The following CPE variants were observed in gnomAD, a reference collection of about 807,000 sequenced individuals.
CPE encodes the protein carboxypeptidase E.
A neutral mutation model predicts 53.5 loss-of-function variants in CPE; 17 were observed. The observed-to-expected ratio is 0.32, with a 90% CI of 0.22 to 0.48. The LOEUF (loss-of-function observed/expected upper bound fraction) is 0.48, where lower values mean the gene tolerates loss of function less well. Among genes scored for constraint, CPE ranks in the 20% least tolerant of loss-of-function variants. The probability of loss-of-function intolerance (pLI) is 0.99; values close to 1 mark genes in which losing one functional copy is unlikely to be tolerated. For missense variants in CPE, 524 were observed against 614.7 expected, an observed-to-expected ratio of 0.85 and a Z score of 1.56; for synonymous variants, 226 against 228.8, an observed-to-expected ratio of 0.99 and a Z score of 0.11.
At chr4:165,415,231 G>A (rs1289802970) in intron 1 of CPE, 1 of 167,010 alleles carries the variant, frequency 6.0e-6, no homozygotes, top group Non-Finnish European at 1.5e-5. Flanking sequence ...TTCTCTACAT[G>A]GGGGCAGCAG....
intron 6 of CPE, 101 bp downstream of exon 6, chr4:165,487,678 G>A: frequency 7.7e-7 from 1 of 1,292,912 alleles, no homozygotes; most frequent in Non-Finnish European, 1.1e-6. Flanking sequence ...GTCTGGTGCA[G>A]AATGAGGATG....
At chr4:165,408,396 C>A (rs1730986691) in intron 1 of CPE, among the ~76,000 whole-genome samples, 1 of 147,768 alleles carries the variant, frequency 6.8e-6, no homozygotes, top group Non-Finnish European at 1.5e-5. Context: ...TGTCCCAGCA[C>A]AACTTATTGA....
chr4:165,386,149 T>C, intron 1 of CPE: 1 of 468,318 alleles, frequency 2.1e-6, no homozygotes. Flanking sequence ...AATAATGTGA[T>C]GATTAAATGA....
At chr4:165,484,769 G>GTAATATATATACATATAT (rs1732476367) in intron 5 of CPE, among the ~76,000 whole-genome samples, 165 bp downstream of exon 5, 1 of 152,172 alleles carries the variant, frequency 6.6e-6, no homozygotes, top group Non-Finnish European at 1.5e-5. Context: ...TTGCGTGAAT[G>GTAATATATATACATATAT]ATTACTATGT....
chr4:165,381,108 A>G (rs985819135), intron 1 of CPE, among the ~76,000 whole-genome samples: 8 of 152,230 alleles, frequency 5.3e-5, no homozygotes, highest in Non-Finnish European at 1.0e-4. Flanking sequence ...TGTTACTTCA[A>G]GAGATTATAT....
rs563729242 is a variant in CPE, at chr4:165,440,960, C to T, written c.308-23430C>T. Reference sequence around the variant, plus strand: ...AATCTCAATAATGAAAGTATAAAAACGCTATTGCATCAATGGAAATGCAGA... The same window carrying T: ...AATCTCAATAATGAAAGTATAAAAATGCTATTGCATCAATGGAAATGCAGA... On this transcript the variant is annotated intron_variant, in intron 1 of 8. Transcript: ENST00000402744. Among the ~76,000 whole-genome samples the T allele has an allele frequency of 4.6e-5, 7 of 152,210 alleles. No homozygotes were observed. The East Asian group carries it at 7.7e-4, about 17-fold the overall frequency.
chr4:165,428,321 A>G (rs1329698759), intron 1 of CPE, among the ~76,000 whole-genome samples: 1 of 152,256 alleles, frequency 6.6e-6, no homozygotes, highest in Admixed American at 6.5e-5. Flanking sequence ...TTGGGATTAT[A>G]GGCATGAGCC....
At chr4:165,474,089 G>T (rs1732254053) in intron 3 of CPE, among the ~76,000 whole-genome samples, 1 of 152,244 alleles carries the variant, frequency 6.6e-6, no homozygotes, top group South Asian at 2.1e-4. Context: ...GCAGTTACCT[G>T]AAGGAGTGTT....
At chr4:165,443,413 C>A (rs1271841430) in intron 1 of CPE, among the ~76,000 whole-genome samples, 4 of 152,124 alleles carry the variant, frequency 2.6e-5, no homozygotes, top group Non-Finnish European at 5.9e-5. Flanking sequence ...CTAAGGCCAC[C>A]ATAACAAAAT....
chr4:165,474,217 T>G (rs2126706484), intron 3 of CPE, among the ~76,000 whole-genome samples: 1 of 152,344 alleles, frequency 6.6e-6, no homozygotes, highest in South Asian at 2.1e-4. Context: ...TGCTCTCAGT[T>G]ATAAAAGACT....
At chr4:165,415,746 TATACAGTACATATATATTACA>T (rs1731109102) in intron 1 of CPE, among the ~76,000 whole-genome samples, 4 of 139,358 alleles carry the variant, frequency 2.9e-5, no homozygotes, top group African/African-American at 1.1e-4. Flanking sequence ...ATATATAGTA[TATACAGTACATATATATTACA>T]TACATACATA....
intron 2 of CPE, among the ~76,000 whole-genome samples, chr4:165,466,130 A>G (rs1469389649): frequency 1.3e-5 from 2 of 152,206 alleles, no homozygotes; most frequent in Non-Finnish European, 2.9e-5. Context: ...GTGCACCTAC[A>G]TAAACCTGCA....
At chr4:165,425,262 T>C (rs1446252433) in intron 1 of CPE, among the ~76,000 whole-genome samples, 2 of 146,628 alleles carry the variant, frequency 1.4e-5, no homozygotes, top group Admixed American at 1.4e-4. Flanking sequence ...GTGTAAATAT[T>C]ATTTTAATAT....
chr4:165,481,072 A>T (rs1195656120), intron 3 of CPE, among the ~76,000 whole-genome samples: 1 of 150,380 alleles, frequency 6.6e-6, no homozygotes, highest in Non-Finnish European at 1.5e-5. Context: ...AAAAATAATA[A>T]AAACAACCTC....
At position 165,497,664 on chromosome 4, in the gene CPE, A is replaced by G. The variant is rs796858645; in HGVS notation, c.*54A>G. ...TATCTATATAATGTAGTATGATGTA[A>G]TGTGGTCTTTTTTTTAGATTTTGTG... On this transcript the variant is annotated 3_prime_UTR_variant, in exon 9 of 9. Coordinates refer to ENST00000402744, the MANE Select transcript of CPE (RefSeq NM_001873.4). 4 of 977,978 alleles carry G rather than the reference A, an allele frequency of 4.1e-6. No individual in the cohort carries two copies. Among genetic ancestry groups the G allele is most frequent in the Non-Finnish European group, 4.3e-6 (3 of 704,656 alleles). The allele number at this position is 977,978 out of a possible 1,614,324, so 60.6% of individuals were successfully genotyped here. A position where few individuals can be genotyped will look rare whatever the true frequency, so the allele number is the denominator to read the frequency against.
intron 2 of CPE, among the ~76,000 whole-genome samples, chr4:165,467,484 T>C (rs185983536): frequency 3.9e-5 from 6 of 152,352 alleles, no homozygotes; most frequent in African/African-American, 1.4e-4. Flanking sequence ...GTAAGAAATG[T>C]CATTATGCGG....
At chr4:165,452,371 T>A (rs886493871) in intron 1 of CPE, among the ~76,000 whole-genome samples, 4 of 152,198 alleles carry the variant, frequency 2.6e-5, no homozygotes, top group Admixed American at 1.3e-4. Flanking sequence ...CATTGCATAT[T>A]GTATACATGT....
Position 165,416,167 on chromosome 4 carries a change from T to G in CPE, c.307+36639T>G, listed in dbSNP as rs531310107. ...CTGAGACGAAAGCATTGCTCTGAAGTAAGGTGTAGGGAAGCTTTCTGGCTT... is the reference window on the plus strand; with the variant it reads ...CTGAGACGAAAGCATTGCTCTGAAGGAAGGTGTAGGGAAGCTTTCTGGCTT... On this transcript the variant is annotated intron_variant, in intron 1 of 8. Transcript: ENST00000402744. Among the ~76,000 whole-genome samples, 11 of 152,248 alleles carry G rather than the reference T, an allele frequency of 7.2e-5. No individual in the cohort carries two copies. The South Asian group carries it at 1.0e-3, about 14-fold the overall frequency.
rs1025123851 is a variant in CPE at position 165,419,811 on chromosome 4, A to T, written c.307+40283A>T. Among the ~76,000 whole-genome samples, 4 of 152,348 alleles carry T rather than the reference A, an allele frequency of 2.6e-5. No homozygotes were observed. In the East Asian group the frequency reaches 7.7e-4, roughly 29 times the overall value. On this transcript the variant is annotated intron_variant, in intron 1 of 8. Transcript: ENST00000402744. ...CAAATCTCCAGTTGGGAACTAATAC[A>T]TCAAACATTTCAAAAATCAATCAAC...
Sources: gnomAD v4.1 joint callset for allele counts (sites outside exome capture counted in the v4.1 genomes callset) on GRCh38, gnomAD v4.1.1 for gene constraint, MANE v1.5 for transcripts, NCBI Gene and HGNC (gene_info 2026-07-23, HGNC 2026-07-21) for gene names.